The following INSL6 variants were observed in gnomAD, a reference collection of about 807,000 sequenced individuals.
INSL6 encodes the protein insulin-like peptide INSL6.
Under a neutral mutation model 9.4 loss-of-function variants are expected in INSL6, and 16 were observed. The observed-to-expected ratio is 1.70, with a 90% CI of 1.15 to 2.59. INSL6 has a LOEUF of 2.59. INSL6 is among the 30% of genes most tolerant of loss of function. The pLI, the probability that INSL6 is intolerant of heterozygous loss-of-function variation, is 0.00. For missense variants in INSL6, 391 were observed against 257.3 expected, an observed-to-expected ratio of 1.52 and a Z score of -3.56; for synonymous variants, 154 against 96.9, an observed-to-expected ratio of 1.59 and a Z score of -3.46.
the INSL6 span, among the ~76,000 whole-genome samples, chr9:5,080,949 G>A: frequency 1.5e-5 from 2 of 132,356 alleles, no homozygotes; most frequent in Non-Finnish European, 3.1e-5. Context: ...AGGCTGGAGT[G>A]CAGTGGCGCG....
chr9:5,003,224 T>TA, the INSL6 span, among the ~76,000 whole-genome samples: 1 of 151,972 alleles, frequency 6.6e-6, no homozygotes, highest in Non-Finnish European at 1.5e-5. Flanking sequence ...TTCACAGACT[T>TA]TAGGATCAAC....
intron 3 of INSL6, among the ~76,000 whole-genome samples, chr9:5,131,590 A>G (rs2130879325): frequency 6.6e-6 from 1 of 152,004 alleles, no homozygotes; most frequent in African/African-American, 2.4e-5. Flanking sequence ...GGTGCCCGCC[A>G]CCACGCCCGG....
rs147189972 is a variant in INSL6 at position 5,164,260 on chromosome 9, T to G, written c.295A>C (p.Thr99Pro). The change falls in exon 2 of 2, where the codon ACT becomes CCT. Residue 99 changes from threonine to proline, a missense_variant. Coordinates refer to ENST00000381641, the MANE Select transcript of INSL6 (RefSeq NM_007179.3). ...ARGRGTNPVS[T>P]SWEEAVNSWE... ...CTGTTTACTGCTTCTTCCCAAGAAG[T>G]AGACACTGTTGAGAGAGAAGAAAAT... 3.1e-4 allele frequency: 495 copies of G among 1,591,250 alleles called. 3 individuals are homozygous for G. The East Asian group carries it at 8.6e-3, about 28-fold the overall frequency.
At chr9:5,140,229 A>T (rs1326245150) in intron 2 of INSL6, among the ~76,000 whole-genome samples, 1 of 152,134 alleles carries the variant, frequency 6.6e-6, no homozygotes, top group African/African-American at 2.4e-5. Context: ...AATGACACCA[A>T]CTAAAGCCAT....
the INSL6 span, among the ~76,000 whole-genome samples, chr9:5,101,879 C>G: frequency 4.6e-5 from 7 of 152,270 alleles, no homozygotes; most frequent in South Asian, 1.5e-3. Context: ...GGCATCCACA[C>G]CAAAACCCCA....
the INSL6 span, chr9:5,086,080 C>T: frequency 1.5e-6 from 1 of 654,398 alleles, no homozygotes; most frequent in Non-Finnish European, 2.9e-6. Context: ...TGAGACAAGT[C>T]AAGTCCCTTC....
chr9:5,111,501 C>G, the INSL6 span: 1 of 368,212 alleles, frequency 2.7e-6, no homozygotes, highest in South Asian at 2.1e-5. Context: ...AGGGATGCCG[C>G]CGCCTATCCA....
intron 2 of INSL6, among the ~76,000 whole-genome samples, chr9:5,156,973 C>A (rs575768002): frequency 6.6e-6 from 1 of 151,934 alleles, no homozygotes; most frequent in Non-Finnish European, 1.5e-5. Context: ...GCTGAGACTG[C>A]GACACTGCAC....
At chr9:5,155,751 A>G (rs909989214) in intron 2 of INSL6, among the ~76,000 whole-genome samples, 3 of 147,230 alleles carry the variant, frequency 2.0e-5, no homozygotes, top group Middle Eastern at 6.9e-3. Flanking sequence ...GGGGAACATC[A>G]CACACCGGGG....
intron 3 of INSL6, among the ~76,000 whole-genome samples, chr9:5,125,137 TACTC>T (rs1823890142): frequency 2.6e-5 from 4 of 151,410 alleles, no homozygotes; most frequent in African/African-American, 9.6e-5. Context: ...CTAATGCAAT[TACTC>T]AGAGAAGACC....
At chr9:5,026,110 C>G in the INSL6 span, among the ~76,000 whole-genome samples, 191 of 152,184 alleles carry the variant, frequency 1.3e-3, no homozygotes, top group Admixed American at 4.8e-3. Context: ...CCATCTCTAA[C>G]CTTTCTTTGG....
the INSL6 span, chr9:5,081,828 G>C: frequency 8.6e-4 from 1,380 of 1,613,596 alleles, no homozygotes; most frequent in Non-Finnish European, 1.0e-3. Flanking sequence ...AGTTTGAAGA[G>C]AGACATTTGA....
At chr9:4,998,454 A>C in the INSL6 span, among the ~76,000 whole-genome samples, 1 of 152,054 alleles carries the variant, frequency 6.6e-6, no homozygotes, top group African/African-American at 2.4e-5. Flanking sequence ...ACGGGGTTTC[A>C]CCATGTTGGT....
the INSL6 span, among the ~76,000 whole-genome samples, chr9:5,102,651 G>A: frequency 2.0e-5 from 3 of 152,110 alleles, no homozygotes; most frequent in African/African-American, 7.2e-5. Flanking sequence ...GAGAAATGTC[G>A]GGTTGCCCAC....
chr9:5,155,338 G>A (rs547191765), intron 2 of INSL6, among the ~76,000 whole-genome samples: 1 of 134,768 alleles, frequency 7.4e-6, no homozygotes, highest in South Asian at 2.9e-4. Flanking sequence ...GGTTGGGGGA[G>A]GGGGGAGGGA....
the INSL6 span, chr9:5,109,640 A>G: frequency 6.6e-6 from 1 of 152,174 alleles, no homozygotes; most frequent in South Asian, 2.1e-4. Flanking sequence ...GCCTCATCCC[A>G]ACGTTTATAT....
the INSL6 span, among the ~76,000 whole-genome samples, chr9:4,997,512 C>T: frequency 6.6e-6 from 1 of 152,114 alleles, no homozygotes; most frequent in East Asian, 1.9e-4. Context: ...CAGGACAGCA[C>T]CAAGGGGGAT....
At chr9:5,007,900 G>C in the INSL6 span, among the ~76,000 whole-genome samples, 1 of 151,676 alleles carries the variant, frequency 6.6e-6, no homozygotes, top group African/African-American at 2.4e-5. Flanking sequence ...GCTAATTTTT[G>C]TGTTTTCACT....
At chr9:5,085,721 T>G in the INSL6 span, 1 of 752,146 alleles carries the variant, frequency 1.3e-6, no homozygotes, top group Admixed American at 1.8e-5. Flanking sequence ...TGTGGATCAT[T>G]TCTGCAATTA....
Sources: gnomAD v4.1 joint callset for allele counts (sites outside exome capture counted in the v4.1 genomes callset) on GRCh38, gnomAD v4.1.1 for gene constraint, MANE v1.5 for transcripts, NCBI Gene and HGNC (gene_info 2026-07-23, HGNC 2026-07-21) for gene names.